The following NRXN1 variants were observed in gnomAD, a reference collection of about 807,000 sequenced individuals.
NRXN1 encodes neurexin-1.
A neutral mutation model predicts 150.9 loss-of-function variants in NRXN1; 39 were observed. The observed-to-expected ratio is 0.26, with a 90% CI of 0.20 to 0.34. The LOEUF (loss-of-function observed/expected upper bound fraction) is 0.34. Ranked by LOEUF, NRXN1 falls within the 10% of genes least tolerant of loss-of-function variation. The pLI is 1.00. For missense variants in NRXN1, 1,815 were observed against 1,949.9 expected (o/e 0.93, Z 1.30); for synonymous variants, 924 against 757.0 (o/e 1.22, Z -3.62).
intron 18 of NRXN1, among the ~76,000 whole-genome samples, chr2:50,208,278 T>A (rs972923889): frequency 6.6e-6 from 1 of 152,108 alleles, no homozygotes; most frequent in African/African-American, 2.4e-5. Context: ...GCCCAGCAAC[T>A]TTCTGAGATG....
intron 22 of NRXN1, 39 bp downstream of exon 22, chr2:49,943,665 A>C: frequency 7.3e-7 from 1 of 1,365,870 alleles, no homozygotes; most frequent in Non-Finnish European, 1.0e-6. Flanking sequence ...ACAAAGATTT[A>C]CAGTAAAGCC....
chr2:50,489,647 A>G (rs2091119107), intron 15 of NRXN1, among the ~76,000 whole-genome samples: 1 of 152,120 alleles, frequency 6.6e-6, no homozygotes. Context: ...TAATGGTGGG[A>G]AGAGAGATTT....
At chr2:50,206,416 T>A (rs2062582749) in intron 18 of NRXN1, among the ~76,000 whole-genome samples, 1 of 151,894 alleles carries the variant, frequency 6.6e-6, no homozygotes, top group African/African-American at 2.4e-5. Flanking sequence ...GATAATAAGA[T>A]CTCAGAGGAC....
At chr2:50,553,081 T>A in intron 8 of NRXN1, 56 bp from the exon 9 acceptor site, 6 of 1,253,672 alleles carry the variant, frequency 4.8e-6, no homozygotes, top group East Asian at 2.3e-5. Context: ...TATCTGAAAC[T>A]TGTGAACAGC....
chr2:50,261,195 T>C lies in NRXN1; in HGVS notation c.3365-24225A>G, dbSNP rs144631448. On this transcript the variant is annotated intron_variant, in intron 17 of 22. Coordinates refer to ENST00000401669, the MANE Select transcript of NRXN1 (RefSeq NM_001330078.2). ...ACTAACTCTGAAGCCCCGAGGAATA[T>C]AGACTTTCCATAGATTGGGAGGGAA... is the stretch of plus-strand genomic sequence containing the variant. 8.2e-3 allele frequency among the ~76,000 whole-genome samples: 1,246 copies of C among 151,886 alleles called. 15 individuals are homozygous for C. Among genetic ancestry groups the C allele is most frequent in the South Asian group, 0.023 (109 of 4,818 alleles).
intron 21 of NRXN1, 25 bp from the exon 22 acceptor site, chr2:49,943,816 ATTAAT>A (rs746477022): frequency 2.6e-6 from 4 of 1,524,198 alleles, no homozygotes; most frequent in Non-Finnish European, 3.6e-6. Flanking sequence ...CATTCAGTAG[ATTAAT>A]TTAAAGGGTC....
chr2:50,124,352 A>G (rs17039900), intron 18 of NRXN1, among the ~76,000 whole-genome samples: 25,932 of 152,076 alleles, frequency 0.17, 2,663 homozygotes, highest in East Asian at 0.36. Flanking sequence ...GACTGAGTCA[A>G]ATTTGAAAGT....
chr2:50,676,181 T>TCTCACCATG (rs2104762745), intron 5 of NRXN1, among the ~76,000 whole-genome samples: 1 of 152,240 alleles, frequency 6.6e-6, no homozygotes, highest in African/African-American at 2.4e-5. Flanking sequence ...TTGCTCCCTC[T>TCTCACCATG]CTCACCATGT....
intron 17 of NRXN1, among the ~76,000 whole-genome samples, chr2:50,336,367 A>G (rs1348265429): frequency 1.3e-5 from 2 of 152,240 alleles, no homozygotes; most frequent in Non-Finnish European, 2.9e-5. Flanking sequence ...TAAATTCTCT[A>G]TCTAGTCTAC....
intron 5 of NRXN1, among the ~76,000 whole-genome samples, chr2:50,760,766 A>C (rs1701714235): frequency 6.6e-6 from 1 of 151,806 alleles, no homozygotes; most frequent in Admixed American, 6.6e-5. Context: ...GTGTGTCTTG[A>C]TGGGAACATG....
At chr2:50,015,961 G>A (rs12713082) in intron 21 of NRXN1, among the ~76,000 whole-genome samples, 2 of 151,926 alleles carry the variant, frequency 1.3e-5, no homozygotes, top group Non-Finnish European at 1.5e-5. Flanking sequence ...CAGGCACTCA[G>A]TAAACTTACA....
At chr2:50,877,640 G>A (rs560491866) in intron 5 of NRXN1, among the ~76,000 whole-genome samples, 1 of 151,970 alleles carries the variant, frequency 6.6e-6, no homozygotes, top group South Asian at 2.1e-4. Context: ...AAGGTTTCTT[G>A]AAAACAAGCA....
At chr2:49,936,348 GGCAGAATAAT>G (rs1392081966) in intron 22 of NRXN1, among the ~76,000 whole-genome samples, 27 of 152,238 alleles carry the variant, frequency 1.8e-4, no homozygotes, top group East Asian at 1.5e-3. Context: ...CTCACTACAA[GGCAGAATAAT>G]GCCTCCATTG....
intron 5 of NRXN1, among the ~76,000 whole-genome samples, chr2:50,788,502 A>C (rs1343493282): frequency 6.6e-6 from 1 of 152,042 alleles, no homozygotes; most frequent in Non-Finnish European, 1.5e-5. Context: ...GACAAGGACA[A>C]GGTCATCAGT....
intron 17 of NRXN1, among the ~76,000 whole-genome samples, chr2:50,343,633 C>T (rs1207711827): frequency 6.6e-6 from 1 of 152,176 alleles, no homozygotes; most frequent in East Asian, 1.9e-4. Flanking sequence ...CAAAGATACT[C>T]GGGTAGCCAT....
At chr2:50,692,911 T>G (rs542748758) in intron 5 of NRXN1, among the ~76,000 whole-genome samples, 1 of 152,230 alleles carries the variant, frequency 6.6e-6, no homozygotes, top group Admixed American at 6.5e-5. Context: ...AATCTATGAG[T>G]GTATATTTAA....
intron 18 of NRXN1, among the ~76,000 whole-genome samples, chr2:50,200,710 A>G (rs1421292422): frequency 6.6e-6 from 1 of 152,178 alleles, no homozygotes; most frequent in Non-Finnish European, 1.5e-5. Context: ...AGAAGTAAAT[A>G]TAACCCAGAT....
chr2:50,632,272 A>G (rs187234644), intron 5 of NRXN1: 2 of 152,144 alleles, frequency 1.3e-5, no homozygotes, highest in East Asian at 3.9e-4. Flanking sequence ...AAAATCTATA[A>G]TTTAATTTAT....
At chr2:50,416,084 C>A (rs80240020) in intron 17 of NRXN1, among the ~76,000 whole-genome samples, 1,686 of 151,942 alleles carry the variant, frequency 0.011, 36 homozygotes, top group African/African-American at 0.037. Flanking sequence ...ATACAGTCAA[C>A]AGTTCCTTCC....
Sources: allele counts gnomAD v4.1 joint callset (sites outside exome capture counted in the v4.1 genomes callset), GRCh38; gene constraint gnomAD v4.1.1; transcripts MANE v1.5; gene names NCBI Gene and HGNC (gene_info 2026-07-23, HGNC 2026-07-21).